The following ABCA1 variants were observed in gnomAD, a reference collection of about 807,000 sequenced individuals.
The protein encoded by ABCA1 is ATP binding cassette subfamily A member 1, also known as phospholipid-transporting ATPase ABCA1.
Under a neutral mutation model 262.5 loss-of-function variants are expected in ABCA1, and 133 were observed. That is an observed-to-expected ratio of 0.51 (90% CI 0.44 to 0.59). ABCA1 has a LOEUF of 0.59. Ranked by LOEUF, ABCA1 falls within the 20% of genes least tolerant of loss-of-function variation. The pLI, the probability that ABCA1 is intolerant of heterozygous loss-of-function variation, is 0.00. For synonymous variants in ABCA1, 1,022 were observed against 1,043.5 expected (o/e 0.98, Z 0.40); for missense variants, 2,452 against 2,777.5 (o/e 0.88, Z 2.63).
intron 7 of ABCA1, among the ~76,000 whole-genome samples, 174 bp from the exon 8 acceptor site, chr9:104,845,743 GTTCATT>G (rs1281948812): frequency 2.2e-4 from 34 of 152,292 alleles, no homozygotes; most frequent in African/African-American, 7.5e-4. Flanking sequence ...TTTGCATTTT[GTTCATT>G]TTCAAACTCA....
chr9:104,861,387 C>T, intron 6 of ABCA1: 1 of 572,314 alleles, frequency 1.7e-6, no homozygotes, highest in South Asian at 2.1e-5. Flanking sequence ...AAGTTTAACT[C>T]AACTTAAAAT....
chr9:104,879,257 G>C (rs1218366546), intron 5 of ABCA1, among the ~76,000 whole-genome samples: 1 of 152,162 alleles, frequency 6.6e-6, no homozygotes, highest in Non-Finnish European at 1.5e-5. Context: ...CACTGTCTTA[G>C]AAGAATACTG....
rs1416907998 is a variant in ABCA1, at chr9:104,883,048, A to G, written c.412T>C (p.Ser138Pro). ...VLRTLQQIKK[S>P]SSNLKLQDFL... is the part of the protein sequence containing the mutation. ...GAAGGTTTTTACTTACTTGAGCTGG[A>G]TTTCTTGATCTGCTGTAATGTTCTC... The change falls in exon 5 of 50, where the codon TCC becomes CCC. Residue 138 changes from serine to proline, a missense_variant. This residue lies in a region of ABCA1 where 1,032 missense variants were observed against 1,089.7 expected (regional missense o/e 0.95). Transcript: ENST00000374736. 1.2e-5 allele frequency: 20 copies of G among 1,613,436 alleles called. No homozygotes were observed. The highest frequency in any genetic ancestry group is 1.6e-5 in the Non-Finnish European group (19 of 1,179,470).
At chr9:104,903,527 C>G in intron 2 of ABCA1, 87 bp downstream of exon 2, 25 of 1,290,202 alleles carry the variant, frequency 1.9e-5, no homozygotes, top group Non-Finnish European at 2.6e-5. Context: ...ACACAGCTTC[C>G]TTCCCTCCCT....
In ABCA1 at chr9:104,792,914, G is replaced by A; in HGVS notation, c.5637-8C>T. On this transcript the variant is annotated splice_polypyrimidine_tract_variant and splice_region_variant and intron_variant, in intron 41 of 49. Coordinates refer to ENST00000374736, the MANE Select transcript of ABCA1 (RefSeq NM_005502.4). ...AGCTTTGCATTTACAGGTCTTGGGG[G>A]AAAAAACAAGAAAAATGAACCTTTC... is the stretch of plus-strand genomic sequence containing the variant. 1 of 1,613,634 alleles carries A rather than the reference G, an allele frequency of 6.2e-7. No individual in the cohort carries two copies. Among genetic ancestry groups the A allele is most frequent in the Non-Finnish European group, 8.5e-7 (1 of 1,179,910 alleles).
intron 25 of ABCA1, among the ~76,000 whole-genome samples, chr9:104,815,427 C>A (rs771525065): frequency 1.6e-4 from 25 of 152,134 alleles, no homozygotes; most frequent in Non-Finnish European, 2.8e-4. Flanking sequence ...GCTTTTATAT[C>A]CCCTTCAGCC....
At chr9:104,862,651 G>GCCCCCCCCCCC (rs1564198183) in intron 5 of ABCA1, among the ~76,000 whole-genome samples, 2 of 6,724 alleles carry the variant, frequency 3.0e-4, no homozygotes, top group Non-Finnish European at 5.5e-4. Context: ...GGCCGGGCCG[G>GCCCCCCCCCCC]GCCGGGCCGG....
intron 17 of ABCA1, 21 bp downstream of exon 17, chr9:104,825,662 C>T (rs1217686972): frequency 1.9e-6 from 3 of 1,612,580 alleles, no homozygotes; most frequent in Non-Finnish European, 2.5e-6. Flanking sequence ...ATTTTCCAAA[C>T]AGATGCCCAA....
intron 29 of ABCA1, 86 bp downstream of exon 29, chr9:104,810,714 T>C (rs1831203326): frequency 1.4e-5 from 23 of 1,602,228 alleles, no homozygotes; most frequent in African/African-American, 5.4e-5. Flanking sequence ...CACCGTGTAA[T>C]TCTGAAGTCC....
At chr9:104,825,545 C>T (rs1832741023) in intron 17 of ABCA1, 138 bp downstream of exon 17, 2 of 842,258 alleles carry the variant, frequency 2.4e-6, no homozygotes, top group East Asian at 5.2e-5. Context: ...AGCTGCCTGT[C>T]CTTGGACTAT....
Position 104,798,586 on chromosome 9 carries a change from T to C in ABCA1, c.4956A>G (p.Ser1652=). 1 of 1,614,124 alleles carries C rather than the reference T, an allele frequency of 6.2e-7. No homozygotes were observed. The highest frequency in any genetic ancestry group is 1.3e-5 in the African/African-American group (1 of 75,038). ...QLSEVALMTT[S]VDVLVSICVI... ...CACAGATGGACACAAGGACATCCAC[T>C]GATGTGGTCATCCTGGAGAGAAAAA... Residue 1652 remains serine, a synonymous_variant, in exon 37 of 50, where the codon TCA becomes TCG. Coordinates refer to ENST00000374736, the MANE Select transcript of ABCA1 (RefSeq NM_005502.4).
chr9:104,781,107 ATT>A lies in ABCA1; in HGVS notation c.*3206_*3207del, dbSNP rs538025657. ...TCATATAAAGTTATTGACATACAAA[ATT>A]TTTTTTCTTTTTTCCTTTTAATGAA... is the stretch of plus-strand genomic sequence containing the variant. On this transcript the variant is annotated 3_prime_UTR_variant, in exon 50 of 50. Transcript: ENST00000374736. 1 of 152,462 alleles carries A rather than the reference ATT, an allele frequency of 6.6e-6. No individual in the cohort carries two copies. Among genetic ancestry groups the A allele is most frequent in the African/African-American group, 2.4e-5 (1 of 41,410 alleles). 9.4% of individuals were successfully genotyped at this position (152,462 alleles called of 1,614,324 possible).
In ABCA1 at chr9:104,843,772, G is replaced by A. The variant is rs1834595746; in HGVS notation, c.813+1705C>T. Among the ~76,000 whole-genome samples the A allele has an allele frequency of 2.0e-5, 3 of 151,926 alleles. 1 individual carries two copies. The South Asian group carries it at 6.2e-4, about 31-fold the overall frequency. ...TTATCAACTTTCCACACGCTGACTG[G>A]ACAAACAAGTGCATTTATTGATCTT... is the stretch of plus-strand genomic sequence containing the variant. On this transcript the variant is annotated intron_variant, in intron 8 of 49. Transcript: ENST00000374736.
At position 104,918,236 on chromosome 9, in the gene ABCA1, T is replaced by A. The variant is rs970172004; in HGVS notation, c.-93+9699A>T. Among the ~76,000 whole-genome samples, 10 of 152,190 alleles carry A rather than the reference T, an allele frequency of 6.6e-5. No individual in the cohort carries two copies. The East Asian group carries it at 1.7e-3, about 26-fold the overall frequency. ...AGATGGACATGAGATTCCAGAACAA[T>A]GAGGAGCCAAACAATGCCAGGAAGG... On this transcript the variant is annotated intron_variant, in intron 1 of 49. Coordinates refer to ENST00000374736, the MANE Select transcript of ABCA1 (RefSeq NM_005502.4).
intron 11 of ABCA1, 55 bp downstream of exon 11, chr9:104,836,925 A>C: frequency 7.2e-7 from 1 of 1,387,344 alleles, no homozygotes; most frequent in Non-Finnish European, 1.0e-6. Flanking sequence ...AGTGACCAGA[A>C]ACTCACCTCT....
chr9:104,848,772 G>A (rs1003571639), intron 7 of ABCA1, among the ~76,000 whole-genome samples: 9 of 152,020 alleles, frequency 5.9e-5, no homozygotes, highest in Admixed American at 2.0e-4. Flanking sequence ...TATGCTTTGC[G>A]CCAACGTGCT....
At chr9:104,885,302 C>A (rs1298601800) in intron 3 of ABCA1, among the ~76,000 whole-genome samples, 1 of 152,194 alleles carries the variant, frequency 6.6e-6, no homozygotes, top group East Asian at 1.9e-4. Flanking sequence ...AGTCAGCTGG[C>A]GTGACTGGGA....
In ABCA1 at chr9:104,788,053, A is replaced by G. The variant is rs1829078271; in HGVS notation, c.6071T>C (p.Val2024Ala). The G allele has an allele frequency of 1.9e-6, 3 of 1,614,068 alleles. No homozygotes were observed. The highest frequency in any genetic ancestry group is 2.5e-6 in the Non-Finnish European group (3 of 1,179,976). Residue 2024 changes from valine to alanine, a missense_variant and splice_region_variant, in exon 46 of 50, where the codon GTT becomes GCT. Coordinates refer to ENST00000374736, the MANE Select transcript of ABCA1 (RefSeq NM_005502.4). ...CAGTTTCCGAATCGCCCACTCACCA[A>G]CCTACAGTGATAAAAAGCACCTTGA... ...RGVPEKEVGK[V>A]GEWAIRKLGL...
intron 31 of ABCA1, among the ~76,000 whole-genome samples, chr9:104,804,972 G>A (rs1467873231): frequency 6.6e-6 from 1 of 152,184 alleles, no homozygotes; most frequent in African/African-American, 2.4e-5. Context: ...ATTGAAATGA[G>A]ATTCTTTGTA....
Sources: gnomAD v4.1 joint callset for allele counts (sites outside exome capture counted in the v4.1 genomes callset) on GRCh38, gnomAD v4.1.1 for gene constraint, gnomAD v4.1.1 regional missense constraint, MANE v1.5 for transcripts, NCBI Gene and HGNC (gene_info 2026-07-23, HGNC 2026-07-21) for gene names.